PAX3: variants seen among roughly 807,000 people sequenced by gnomAD.
The protein encoded by PAX3 is paired box protein Pax-3.
A neutral mutation model predicts 51.6 loss-of-function variants in PAX3; 14 were observed. The observed-to-expected ratio is 0.27, with a 90% CI of 0.18 to 0.42. The LOEUF (loss-of-function observed/expected upper bound fraction) is 0.42, where lower values mean the gene tolerates loss of function less well. PAX3 is among the 10% of genes least tolerant of loss of function. PAX3 has a pLI of 1.00. For synonymous variants in PAX3, 280 were observed against 253.4 expected (o/e 1.11, Z -1.00); for missense variants, 540 against 642.8 (o/e 0.84, Z 1.73).
chr2:222,292,590 C>T lies in PAX3; in HGVS notation c.586+1577G>A, dbSNP rs898489875. 5.3e-5 allele frequency among the ~76,000 whole-genome samples: 8 copies of T among 152,338 alleles called. No homozygotes were observed. In the South Asian group the frequency reaches 1.2e-3, roughly 24 times the overall value. On this transcript the variant is annotated intron_variant, in intron 4 of 8. Transcript: ENST00000392070. ...AAGTAGCAAAGCCGTGAGTCCCCAG[C>T]CTCTGTGACTGCTCTGGGCTCTTCT...
chr2:222,245,733 G>A (rs1693202548), intron 4 of PAX3, among the ~76,000 whole-genome samples: 2 of 151,526 alleles, frequency 1.3e-5, no homozygotes, highest in Admixed American at 1.3e-4. Flanking sequence ...ACTTTGGGAG[G>A]CCAAGGCAAG....
intron 3 of PAX3, among the ~76,000 whole-genome samples, chr2:222,295,052 G>A (rs1006021308): frequency 2.0e-5 from 3 of 151,414 alleles, no homozygotes; most frequent in East Asian, 3.9e-4. Context: ...TTCTCCCTCC[G>A]CCTCCCCCAG....
At chr2:222,289,563 G>C (rs534795201) in intron 4 of PAX3, among the ~76,000 whole-genome samples, 1 of 152,234 alleles carries the variant, frequency 6.6e-6, no homozygotes, top group South Asian at 2.1e-4. Flanking sequence ...CCTACGTCCT[G>C]GTTCCGGTGC....
chr2:222,288,725 G>T (rs1450893797), intron 4 of PAX3, among the ~76,000 whole-genome samples: 3 of 152,162 alleles, frequency 2.0e-5, no homozygotes, highest in Non-Finnish European at 2.9e-5. Context: ...AAGAAATCAC[G>T]ATAGGATAAT....
At chr2:222,271,215 C>T (rs1035901059) in intron 4 of PAX3, among the ~76,000 whole-genome samples, 1 of 152,134 alleles carries the variant, frequency 6.6e-6, no homozygotes, top group Non-Finnish European at 1.5e-5. Context: ...AACCCCAAAG[C>T]CTTTCATAAA....
At chr2:222,214,693 C>T (rs1691883023) in intron 7 of PAX3, 1 of 151,850 alleles carries the variant, frequency 6.6e-6, no homozygotes, top group African/African-American at 2.4e-5. Context: ...GGTGGGCAAA[C>T]ATTCAGGCTT....
intron 7 of PAX3, among the ~76,000 whole-genome samples, chr2:222,216,362 GA>G (rs1691959160): frequency 6.6e-6 from 1 of 152,152 alleles, no homozygotes; most frequent in Admixed American, 6.6e-5. Flanking sequence ...GATTCCCTCA[GA>G]ACAAGAAAAA....
chr2:222,238,709 C>A (rs1272078528), intron 4 of PAX3, among the ~76,000 whole-genome samples: 2 of 152,090 alleles, frequency 1.3e-5, no homozygotes, highest in African/African-American at 4.8e-5. Context: ...TCTTTCTGAG[C>A]TAGATTTGTG....
At chr2:222,287,680 C>G (rs1409597812) in intron 4 of PAX3, among the ~76,000 whole-genome samples, 1 of 152,194 alleles carries the variant, frequency 6.6e-6, no homozygotes, top group East Asian at 1.9e-4. Context: ...CTAGCTTAAT[C>G]TATTTCAGGC....
Position 222,298,516 on chromosome 2 carries a change from G to A in PAX3, c.85+15C>T, listed in dbSNP as rs1695430265. 2 of 1,591,206 alleles carry A rather than the reference G, an allele frequency of 1.3e-6. No individual in the cohort carries two copies. The highest frequency in any genetic ancestry group is 2.3e-5 in the East Asian group (1 of 43,596). On this transcript the variant is annotated intron_variant, in intron 1 of 8. Transcript: ENST00000392070. ...GGCCCTGGGATCCAGGCGGCGCGCT[G>A]AGGCCCTCCCTTACCTTCCAGCGGG...
chr2:222,214,607 C>T (rs766886402), intron 7 of PAX3: 4 of 152,044 alleles, frequency 2.6e-5, no homozygotes, highest in African/African-American at 9.6e-5. Flanking sequence ...ATGATTCAGC[C>T]GAACTTACTA....
chr2:222,259,617 T>C (rs996929926), intron 4 of PAX3, among the ~76,000 whole-genome samples: 2 of 152,104 alleles, frequency 1.3e-5, no homozygotes, highest in African/African-American at 4.8e-5. Flanking sequence ...AAAGCCAGAG[T>C]TGATACACAA....
At chr2:222,233,065 T>G (rs1692656778) in intron 4 of PAX3, 1 of 112,374 alleles carries the variant, frequency 8.9e-6, no homozygotes, top group Non-Finnish European at 1.7e-5. Flanking sequence ...CTGCTTTATT[T>G]AAGAAAGCCA....
In PAX3 at chr2:222,298,846, G is replaced by T. The variant is rs1434652039; in HGVS notation, c.-231C>A. The T allele has an allele frequency of 1.5e-5, 9 of 592,602 alleles. No individual in the cohort carries two copies. The highest frequency in any genetic ancestry group is 1.3e-4 in the African/African-American group (7 of 53,750). 36.7% of individuals were successfully genotyped at this position (592,602 alleles called of 1,614,324 possible). A position where few individuals can be genotyped will look rare whatever the true frequency, so the allele number is the denominator to read the frequency against. On this transcript the variant is annotated 5_prime_UTR_variant, in exon 1 of 9. Coordinates refer to ENST00000392070, the MANE Select transcript of PAX3 (RefSeq NM_181458.4). ...GAGGCCCCGGAGTCCAGGATCCCGA[G>T]CCCAGGGCGGAAAAGTTTGGTACGA...
chr2:222,275,368 C>G (rs1472502680), intron 4 of PAX3, among the ~76,000 whole-genome samples: 1 of 151,876 alleles, frequency 6.6e-6, no homozygotes, highest in Non-Finnish European at 1.5e-5. Context: ...CCATAGATAT[C>G]AGGTATATAC....
intron 7 of PAX3, among the ~76,000 whole-genome samples, chr2:222,205,648 A>T (rs1014359139): frequency 1.3e-5 from 2 of 152,176 alleles, no homozygotes; most frequent in Non-Finnish European, 2.9e-5. Flanking sequence ...TTATTTCAAT[A>T]TTTCACACTG....
At chr2:222,294,763 C>G (rs1385075699) in intron 3 of PAX3, among the ~76,000 whole-genome samples, 1 of 117,118 alleles carries the variant, frequency 8.5e-6, no homozygotes, top group Non-Finnish European at 1.8e-5. Context: ...TCCGCGCCCC[C>G]CCCCACCCCC....
intron 3 of PAX3, 28 bp downstream of exon 3, chr2:222,295,500 C>A (rs764316880): frequency 6.2e-7 from 1 of 1,614,086 alleles, no homozygotes; most frequent in Non-Finnish European, 8.5e-7. Context: ...ACTGTCGCGC[C>A]TCGGGGAGAG....
chr2:222,265,419 CAA>C (rs1184239920), intron 4 of PAX3, among the ~76,000 whole-genome samples: 1 of 152,096 alleles, frequency 6.6e-6, no homozygotes, highest in Non-Finnish European at 1.5e-5. Flanking sequence ...TTTGGGAGGC[CAA>C]GGCGGGTGGA....
Sources: allele counts gnomAD v4.1 joint callset (sites outside exome capture counted in the v4.1 genomes callset), GRCh38; gene constraint gnomAD v4.1.1; transcripts MANE v1.5; gene names NCBI Gene and HGNC (gene_info 2026-07-23, HGNC 2026-07-21).